The following CENPS variants were observed in gnomAD, a reference collection of about 807,000 sequenced individuals.
CENPS encodes centromere protein S.
A neutral mutation model predicts 17.9 loss-of-function variants in CENPS; 16 were observed. The ratio of observed to expected loss-of-function variants is 0.90; its 90% CI spans 0.61 to 1.36. The LOEUF is 1.36. Among genes scored for constraint, CENPS ranks in the 40% most tolerant of loss-of-function variants. The pLI is 0.00. For missense variants in CENPS, 160 were observed against 158.6 expected, an observed-to-expected ratio of 1.01 and a Z score of -0.05; for synonymous variants, 49 against 55.8, an observed-to-expected ratio of 0.88 and a Z score of 0.54.
At chr1:10,441,564 C>G (rs888162185) in intron 4 of CENPS, among the ~76,000 whole-genome samples, 3 of 150,648 alleles carry the variant, frequency 2.0e-5, no homozygotes, top group South Asian at 2.1e-4. Flanking sequence ...TCTGCTTGCC[C>G]TGGACTCCCA....
rs1347479955 is a variant in CENPS, at chr1:10,431,449, A to G, written c.51+881A>G. 5 of 1,530,604 alleles carry G rather than the reference A, an allele frequency of 3.3e-6. No individual in the cohort carries two copies. In the African/African-American group the frequency reaches 6.9e-5, roughly 21 times the overall value. The allele number at this position is 1,530,604 out of a possible 1,614,324, so 94.8% of individuals were successfully genotyped here. Reference sequence around the variant, plus strand: ...TCACCTTGATTCACCACTAGTTAGCATTTTGCTCTGTTTGCTCCCATGCTT... The same window carrying G: ...TCACCTTGATTCACCACTAGTTAGCGTTTTGCTCTGTTTGCTCCCATGCTT... On this transcript the variant is annotated intron_variant, in intron 1 of 4. Transcript: ENST00000309048.
chr1:10,434,831 C>A, intron 3 of CENPS, 141 bp downstream of exon 3: 1 of 1,232,790 alleles, frequency 8.1e-7, no homozygotes, highest in Non-Finnish European at 1.1e-6. Flanking sequence ...CATGGTTCTG[C>A]AAGAACATGA....
chr1:10,439,337 G>A (rs934615919), intron 3 of CENPS, among the ~76,000 whole-genome samples: 12 of 152,184 alleles, frequency 7.9e-5, no homozygotes, highest in African/African-American at 2.9e-4. Flanking sequence ...TGTAATCAGA[G>A]TAATATATTA....
chr1:10,438,745 C>A (rs1010660357), intron 3 of CENPS, among the ~76,000 whole-genome samples: 28 of 152,122 alleles, frequency 1.8e-4, no homozygotes, highest in Admixed American at 1.5e-3. Context: ...AGAGGCCAAG[C>A]TGAAGTGGTG....
chr1:10,440,654 T>C (rs1640367954), intron 4 of CENPS, among the ~76,000 whole-genome samples: 1 of 152,248 alleles, frequency 6.6e-6, no homozygotes, highest in Non-Finnish European at 1.5e-5. Context: ...GTTTTTGTAA[T>C]ACCTCAAAAC....
chr1:10,431,231 G>A (rs1639898602), intron 1 of CENPS: 2 of 1,531,276 alleles, frequency 1.3e-6, no homozygotes, highest in African/African-American at 1.4e-5. Context: ...CCGTGAAGAG[G>A]CTTAAAAGCA....
intron 4 of CENPS, among the ~76,000 whole-genome samples, chr1:10,441,123 GCAGTTTA>G (rs2124289293): frequency 6.6e-6 from 1 of 152,258 alleles, no homozygotes; most frequent in East Asian, 1.9e-4. Flanking sequence ...AATTTGTATA[GCAGTTTA>G]CAGGGGCTTT....
intron 1 of CENPS, 47 bp from the exon 2 acceptor site, chr1:10,433,795 T>C: frequency 1.2e-6 from 2 of 1,611,068 alleles, no homozygotes; most frequent in Non-Finnish European, 1.7e-6. Context: ...CGTGAAAAGC[T>C]CTTATTTGCA....
At chr1:10,431,352 C>T in intron 1 of CENPS, 4 of 1,535,344 alleles carry the variant, frequency 2.6e-6, no homozygotes, top group Non-Finnish European at 3.5e-6. Context: ...GTCTACCCTG[C>T]CCCTTGTCTT....
Position 10,442,511 on chromosome 1 carries a change from TAAAATA to T in CENPS, c.*111_*116del. 7.4e-7 allele frequency: 1 copy of T among 1,358,826 alleles called. No homozygotes were observed. Among genetic ancestry groups the T allele is most frequent in the Non-Finnish European group, 9.5e-7 (1 of 1,053,486 alleles). 84.2% of individuals were successfully genotyped at this position (1,358,826 alleles called of 1,614,324 possible). A position where few individuals can be genotyped will look rare whatever the true frequency, so the allele number is the denominator to read the frequency against. On this transcript the variant is annotated 3_prime_UTR_variant, in exon 5 of 5. Transcript: ENST00000309048. The stretch of plus-strand genomic sequence containing the variant: ...AGGGTTAAATAGAGATTTAAAAAAA[TAAAATA>T]AAAAGGCTGGGCTAGGGTGCTTTTT...
rs1021460316 is a variant in CENPS, at chr1:10,434,087, C to T, written c.175+122C>T. ...AGCAGACCAAGAATATTATCATCCT[C>T]ATGCGTTCTTCGTGAAACACTTCTC... On this transcript the variant is annotated intron_variant, in intron 2 of 4. Coordinates refer to ENST00000309048, the MANE Select transcript of CENPS (RefSeq NM_199294.3). The T allele has an allele frequency of 2.0e-6, 3 of 1,513,830 alleles. No homozygotes were observed. The African/African-American group carries it at 4.2e-5, about 21-fold the overall frequency. 93.8% of individuals were successfully genotyped at this position (1,513,830 alleles called of 1,614,324 possible).
chr1:10,433,963 G>A lies in CENPS; in HGVS notation c.173G>A (p.Cys58Tyr). Residue 58 changes from cysteine to tyrosine, a missense_variant and splice_region_variant, in exon 2 of 5, where the codon TGT becomes TAT. Coordinates refer to ENST00000309048, the MANE Select transcript of CENPS (RefSeq NM_199294.3). ...AAISELTFRQCENFAKDLEMF... is the reference protein window; with the variant it reads ...AAISELTFRQYENFAKDLEMF... ...ATTTCGGAGCTGACTTTCCGACAGT[G>A]TGGTATGAAGCTTCGGCCTCCCCAG... The A allele has an allele frequency of 1.2e-6, 2 of 1,614,178 alleles. No individual in the cohort carries two copies. The highest frequency in any genetic ancestry group is 1.7e-6 in the Non-Finnish European group (2 of 1,180,022).
At chr1:10,434,235 CATTAA>C (rs1324118797) in intron 2 of CENPS, among the ~76,000 whole-genome samples, 4 of 152,176 alleles carry the variant, frequency 2.6e-5, no homozygotes, top group Non-Finnish European at 5.9e-5. Context: ...GAACATTAGA[CATTAA>C]ATTCTTTATT....
intron 1 of CENPS, 115 bp from the exon 2 acceptor site, chr1:10,433,727 G>C: frequency 1.3e-6 from 2 of 1,515,850 alleles, no homozygotes; most frequent in Non-Finnish European, 1.8e-6. Context: ...AGCCATTATG[G>C]AAAGCGCCAG....
intron 4 of CENPS, among the ~76,000 whole-genome samples, chr1:10,441,183 T>C (rs994159011): frequency 6.6e-6 from 1 of 152,130 alleles, no homozygotes; most frequent in African/African-American, 2.4e-5. Flanking sequence ...CTCACAACTT[T>C]TTTTTTCTTT....
Position 10,433,983 on chromosome 1 carries a change from C to T in CENPS, c.175+18C>T, listed in dbSNP as rs1328657183. On this transcript the variant is annotated intron_variant, in intron 2 of 4. Coordinates refer to ENST00000309048, the MANE Select transcript of CENPS (RefSeq NM_199294.3). ...ACAGTGTGGTATGAAGCTTCGGCCT[C>T]CCCAGCCATGTCTGTAAACCCCAAA... 2 of 1,613,974 alleles carry T rather than the reference C, an allele frequency of 1.2e-6. No individual in the cohort carries two copies. Among genetic ancestry groups the T allele is most frequent in the East Asian group, 2.2e-5 (1 of 44,882 alleles).
chr1:10,430,660 T>C, intron 1 of CENPS, 92 bp downstream of exon 1: 1 of 1,463,632 alleles, frequency 6.8e-7, no homozygotes, highest in Non-Finnish European at 9.1e-7. Flanking sequence ...CGGCTTCTCA[T>C]CGGCACCCCG....
chr1:10,434,107 C>T, intron 2 of CENPS, 142 bp downstream of exon 2: 3 of 1,471,588 alleles, frequency 2.0e-6, no homozygotes, highest in Non-Finnish European at 2.7e-6. Flanking sequence ...TCGTGAAACA[C>T]TTCTCTTCTT....
intron 3 of CENPS, among the ~76,000 whole-genome samples, chr1:10,436,722 G>A (rs1760665): frequency 0.2 from 20,972 of 105,342 alleles, 2,553 homozygotes; most frequent in African/African-American, 0.34. Flanking sequence ...AAAAAAAAAA[G>A]AAAAGAAAAG....
Sources: gnomAD v4.1 joint callset for allele counts (sites outside exome capture counted in the v4.1 genomes callset) on GRCh38, gnomAD v4.1.1 for gene constraint, MANE v1.5 for transcripts, NCBI Gene and HGNC (gene_info 2026-07-23, HGNC 2026-07-21) for gene names.